Variants in IMMP2L observed in about 807,000 individuals in gnomAD.
IMMP2L encodes the protein inner mitochondrial membrane peptidase subunit 2.
Under a neutral mutation model 19.3 loss-of-function variants are expected in IMMP2L, and 18 were observed. The observed-to-expected ratio is 0.93, with a 90% CI of 0.64 to 1.38. IMMP2L has a LOEUF of 1.38. IMMP2L is among the 40% of genes most tolerant of loss of function. IMMP2L has a pLI of 0.00. For synonymous variants in IMMP2L, 76 were observed against 73.0 expected, an observed-to-expected ratio of 1.04 and a Z score of -0.21; for missense variants, 233 against 218.2, an observed-to-expected ratio of 1.07 and a Z score of -0.43.
chr7:111,343,279 G>A (rs1334361348), intron 3 of IMMP2L, among the ~76,000 whole-genome samples: 1 of 151,964 alleles, frequency 6.6e-6, no homozygotes, highest in Admixed American at 6.6e-5. Flanking sequence ...AATGGCTCTT[G>A]GAGTATTATA....
At chr7:111,099,901 G>A (rs996401122) in intron 3 of IMMP2L, 22 of 151,636 alleles carry the variant, frequency 1.5e-4, no homozygotes, top group African/African-American at 5.3e-4. Flanking sequence ...GGAGGAGAAA[G>A]AGAAAGAAGA....
chr7:111,293,363 T>G (rs1422232263), intron 3 of IMMP2L, among the ~76,000 whole-genome samples: 12 of 152,086 alleles, frequency 7.9e-5, no homozygotes, highest in Admixed American at 7.9e-4. Context: ...AGCTACATAT[T>G]ATTTCAAATG....
chr7:111,154,786 C>T (rs968811162), intron 3 of IMMP2L, among the ~76,000 whole-genome samples: 3 of 152,134 alleles, frequency 2.0e-5, no homozygotes, highest in Non-Finnish European at 4.4e-5. Context: ...CAAGGTCTCA[C>T]TCTGTCAGTC....
At chr7:111,482,498 A>C (rs1256124902) in intron 3 of IMMP2L, among the ~76,000 whole-genome samples, 1 of 152,084 alleles carries the variant, frequency 6.6e-6, no homozygotes, top group African/African-American at 2.4e-5. Flanking sequence ...CTAGCTCTCT[A>C]TAAACTGTGG....
intron 3 of IMMP2L, among the ~76,000 whole-genome samples, chr7:111,454,144 T>C (rs1332954586): frequency 6.6e-6 from 1 of 152,138 alleles, no homozygotes; most frequent in Non-Finnish European, 1.5e-5. Flanking sequence ...GTTTTTGTTT[T>C]TTATTAGAGA....
At chr7:111,173,267 A>T (rs947346094) in intron 3 of IMMP2L, among the ~76,000 whole-genome samples, 4 of 151,612 alleles carry the variant, frequency 2.6e-5, no homozygotes, top group Admixed American at 2.6e-4. Context: ...TAAAATTATT[A>T]TTCTATTTTT....
chr7:111,079,114 A>AT (rs892002969), intron 3 of IMMP2L, among the ~76,000 whole-genome samples: 8 of 151,130 alleles, frequency 5.3e-5, no homozygotes, highest in Non-Finnish European at 1.2e-4. Context: ...TATGACATTA[A>AT]TTTTTTTCTT....
chr7:111,263,215 G>T (rs549074274), intron 3 of IMMP2L, among the ~76,000 whole-genome samples: 7 of 152,096 alleles, frequency 4.6e-5, no homozygotes, highest in Non-Finnish European at 1.0e-4. Context: ...ACAGAAATAA[G>T]GAGACTAGTT....
At chr7:110,986,698 G>T (rs1025900518) in intron 3 of IMMP2L, among the ~76,000 whole-genome samples, 1 of 151,908 alleles carries the variant, frequency 6.6e-6, no homozygotes, top group African/African-American at 2.4e-5. Flanking sequence ...AGTTTTGATT[G>T]TTGGTCAAAT....
intron 3 of IMMP2L, among the ~76,000 whole-genome samples, chr7:111,449,867 G>C (rs1447617999): frequency 7.9e-6 from 1 of 126,110 alleles, no homozygotes; most frequent in Non-Finnish European, 1.6e-5. Flanking sequence ...CAAAGTCTCA[G>C]GATACAAAAT....
At chr7:110,875,666 G>T (rs1253567062) in intron 5 of IMMP2L, among the ~76,000 whole-genome samples, 1 of 152,106 alleles carries the variant, frequency 6.6e-6, no homozygotes, top group Non-Finnish European at 1.5e-5. Context: ...GCTTCAGTGG[G>T]GAATAGGCAG....
chr7:110,904,082 T>C (rs1346925214), intron 4 of IMMP2L, among the ~76,000 whole-genome samples: 1 of 152,182 alleles, frequency 6.6e-6, no homozygotes, highest in Admixed American at 6.5e-5. Flanking sequence ...TTTTGGTTTG[T>C]TTTACTATAG....
chr7:111,433,083 G>A (rs1472865620), intron 3 of IMMP2L, among the ~76,000 whole-genome samples: 1 of 151,752 alleles, frequency 6.6e-6, no homozygotes, highest in Non-Finnish European at 1.5e-5. Flanking sequence ...AAAGAAAAGA[G>A]GTTCAATTGG....
rs540382964 is a variant in IMMP2L at position 111,106,908 on chromosome 7, A to G, written c.240-143343T>C. Among the ~76,000 whole-genome samples, 105 of 152,004 alleles carry G rather than the reference A, an allele frequency of 6.9e-4. 1 individual carries two copies. The Middle Eastern group carries it at 0.02, about 30-fold the overall frequency. Reference sequence around the variant, plus strand: ...GAGTAAAGGAAAACATTCATTCAATAGTACCATGCAGAATGATTTGCTTAA... The same window carrying G: ...GAGTAAAGGAAAACATTCATTCAATGGTACCATGCAGAATGATTTGCTTAA... On this transcript the variant is annotated intron_variant, in intron 3 of 5. Transcript: ENST00000405709.
At position 111,306,606 on chromosome 7, in the gene IMMP2L, C is replaced by CTGTG. The variant is rs71147473; in HGVS notation, c.239+180628_239+180631dup. Among the ~76,000 whole-genome samples, 98 of 136,212 alleles carry CTGTG rather than the reference C, an allele frequency of 7.2e-4. 1 individual carries two copies. Among genetic ancestry groups the CTGTG allele is most frequent in the Admixed American group, 1.7e-3 (23 of 13,470 alleles). The allele number at this position is 136,212 out of a possible 152,430, so 89.4% of individuals were successfully genotyped here. ...AGATCACATTGATTATCACTGGACTCTGTGTGTGTGTGTGTGTGTGTGTGT... is the reference window on the plus strand; with the variant it reads ...AGATCACATTGATTATCACTGGACTCTGTGTGTGTGTGTGTGTGTGTGTGTGTGT... On this transcript the variant is annotated intron_variant, in intron 3 of 5. Coordinates refer to ENST00000405709, the MANE Select transcript of IMMP2L (RefSeq NM_032549.4).
chr7:111,484,381 T>C (rs576311208), intron 3 of IMMP2L, among the ~76,000 whole-genome samples: 1 of 152,302 alleles, frequency 6.6e-6, no homozygotes, highest in Admixed American at 6.5e-5. Context: ...TTACCACACA[T>C]TCTGAATACA....
intron 3 of IMMP2L, among the ~76,000 whole-genome samples, chr7:111,485,619 A>AAAC (rs1202938608): frequency 1.3e-5 from 2 of 150,128 alleles, no homozygotes; most frequent in East Asian, 3.9e-4. Context: ...AAAAAAAAAA[A>AAAC]AAAAAACACA....
chr7:110,674,946 C>T (rs2130377676), intron 5 of IMMP2L, among the ~76,000 whole-genome samples: 1 of 152,334 alleles, frequency 6.6e-6, no homozygotes, highest in Non-Finnish European at 1.5e-5. Flanking sequence ...AGTCCTGACT[C>T]TTCCACGGAG....
At chr7:111,363,898 T>C (rs1205129129) in intron 3 of IMMP2L, among the ~76,000 whole-genome samples, 2 of 152,028 alleles carry the variant, frequency 1.3e-5, no homozygotes, top group East Asian at 3.9e-4. Flanking sequence ...ATGTTGTCCC[T>C]TACCAGAATA....
Sources: gnomAD v4.1 joint callset for allele counts (sites outside exome capture counted in the v4.1 genomes callset) on GRCh38, gnomAD v4.1.1 for gene constraint, MANE v1.5 for transcripts, NCBI Gene and HGNC (gene_info 2026-07-23, HGNC 2026-07-21) for gene names.